TRPV1: variants seen among roughly 807,000 people sequenced by gnomAD.
The protein encoded by TRPV1 is OTRPC1.
In TRPV1, 82 loss-of-function variants were observed where a neutral mutation model predicts 82.3. The ratio of observed to expected loss-of-function variants is 1.00; its 90% confidence interval spans 0.83 to 1.20. The LOEUF (loss-of-function observed/expected upper bound fraction) is 1.20, where lower values mean the gene tolerates loss of function less well. TRPV1 is among the 50% of genes most tolerant of loss of function. The pLI is 0.00. For synonymous variants in TRPV1, 515 were observed against 467.7 expected, an observed-to-expected ratio of 1.10 and a Z score of -1.30; for missense variants, 1,067 against 1,096.8, an observed-to-expected ratio of 0.97 and a Z score of 0.38.
intron 2 of TRPV1, among the ~76,000 whole-genome samples, chr17:3,605,110 C>T (rs982716252): frequency 2.6e-5 from 4 of 152,152 alleles, no homozygotes; most frequent in Non-Finnish European, 5.9e-5. Flanking sequence ...AGAGTGGGTT[C>T]GCTCTGGGGT....
chr17:3,566,734 C>G lies in TRPV1; in HGVS notation c.*81G>C. The G allele has an allele frequency of 6.6e-7, 1 of 1,522,004 alleles. No homozygotes were observed. The highest frequency in any genetic ancestry group is 8.9e-7 in the Non-Finnish European group (1 of 1,122,264). 94.3% of individuals were successfully genotyped at this position (1,522,004 alleles called of 1,614,324 possible). A position where few individuals can be genotyped will look rare whatever the true frequency, so the allele number is the denominator to read the frequency against. ...AGACCAGGCCAGGCTGCTGACAGAG[C>G]ACTGGTGTTCCCTCAGCAGCCCCCC... On this transcript the variant is annotated 3_prime_UTR_variant, in exon 17 of 17. Coordinates refer to ENST00000572705, the MANE Select transcript of TRPV1 (RefSeq NM_080704.4).
At chr17:3,567,578 G>A (rs1332357328) in intron 16 of TRPV1, among the ~76,000 whole-genome samples, 4 of 151,768 alleles carry the variant, frequency 2.6e-5, no homozygotes, top group Admixed American at 6.6e-5. Context: ...AGAGCCCATC[G>A]CCTGCCCCTC....
intron 10 of TRPV1, 104 bp from the exon 11 acceptor site, chr17:3,580,631 G>A: frequency 1.7e-6 from 2 of 1,190,262 alleles, no homozygotes; most frequent in Non-Finnish European, 2.5e-6. Context: ...GTGGTCGAAT[G>A]TGTGAAAGCA....
rs200718562 is a variant in TRPV1 at position 3,571,493 on chromosome 17, G to A, written c.2347+31C>T. The stretch of plus-strand genomic sequence containing the variant: ...GCCCAACATCAGGCCACCAGCCAAG[G>A]AGGCGCCAAGCACCGGCCCTCACGC... On this transcript the variant is annotated intron_variant, in intron 16 of 16. Transcript: ENST00000572705. 7.2e-6 allele frequency: 11 copies of A among 1,520,820 alleles called. No homozygotes were observed. The African/African-American group carries it at 1.4e-4, about 19-fold the overall frequency. 94.2% of individuals were successfully genotyped at this position (1,520,820 alleles called of 1,614,324 possible).
At chr17:3,580,009 G>A (rs1176498279) in intron 11 of TRPV1, among the ~76,000 whole-genome samples, 3 of 146,148 alleles carry the variant, frequency 2.1e-5, no homozygotes, top group Non-Finnish European at 3.1e-5. Context: ...TATACTCTAC[G>A]ATGCACAGGG....
Position 3,591,035 on chromosome 17 carries a change from A to T in TRPV1, c.533T>A (p.Leu178Gln). 1 of 1,612,698 alleles carries T rather than the reference A, an allele frequency of 6.2e-7. No individual in the cohort carries two copies. Among genetic ancestry groups the T allele is most frequent in the Non-Finnish European group, 8.5e-7 (1 of 1,179,470 alleles). Residue 178 changes from leucine (L) to glutamine (Q), a missense_variant, in exon 5 of 17, where the codon CTG (leucine) becomes CAG (glutamine). Leu to Gln is a moderately radical substitution (Grantham distance 113, BLOSUM62 -2). Transcript: ENST00000572705. ...DGQNTTIPLL[L>Q]EIARQTDSLK... ...GCTGTCCGTTTGCCGCGCGATCTCC[A>T]GGAGCAGGGGGATGGTGGTGTTCTG...
chr17:3,589,825 A>G lies in TRPV1; in HGVS notation c.1026T>C (p.Ala342=), dbSNP rs201049674. The part of the protein sequence containing the change: ...KKGMTPLALA[A]GTGKIGVLAY... ...CTCTTACCCCGATCTTCCCGGTCCC[A>G]GCTGCCAGAGCCAGCGGCGTCATTC... The change falls in exon 7 of 17, where the codon GCT becomes GCC. Residue 342 remains alanine (A), a synonymous_variant. Transcript: ENST00000572705. 21 of 1,613,104 alleles carry G rather than the reference A, an allele frequency of 1.3e-5. 1 individual carries two copies. Among genetic ancestry groups the G allele is most frequent in the Middle Eastern group, 3.3e-4 (2 of 6,076 alleles).
rs1172432200 is a variant in TRPV1, at chr17:3,588,352, GAA to G, written c.1058_1059del (p.Ile353ThrfsTer56). 6.4e-7 allele frequency: 1 copy of G among 1,559,132 alleles called. No homozygotes were observed. The highest frequency in any genetic ancestry group is 8.7e-7 in the Non-Finnish European group (1 of 1,151,654). On this transcript the variant is annotated frameshift_variant, in exon 8 of 17. Transcript: ENST00000572705. LOFTEE classifies it high-confidence loss of function. ...GTGKIGVLAY[I>X]LQREIQEPEC... ...TCGGGCTCCTGGATCTCCCGCTGGA[GAA>G]TATAGGCCAAGACCTGCCCCCGGGG...
intron 10 of TRPV1, among the ~76,000 whole-genome samples, chr17:3,582,213 A>AAAAC (rs1160641204): frequency 6.8e-6 from 1 of 147,830 alleles, no homozygotes; most frequent in Non-Finnish European, 1.5e-5. Context: ...AAAAAAAAAA[A>AAAAC]ATCACAGTGG....
chr17:3,593,997 G>C (rs893381090), intron 2 of TRPV1, among the ~76,000 whole-genome samples: 1 of 151,648 alleles, frequency 6.6e-6, no homozygotes, highest in African/African-American at 2.4e-5. Context: ...GCGTGGTGTC[G>C]GGCGCCTGTA....
Position 3,591,007 on chromosome 17 carries a change from C to T in TRPV1, c.561G>A (p.Leu187=), listed in dbSNP as rs1157170318. ...LLEIARQTDS[L]KELVNASYTD... ...TGTAGCTGGCGTTGACAAGCTCCTT[C>T]AGGCTGTCCGTTTGCCGCGCGATCT... Residue 187 remains leucine (L), a synonymous_variant, in exon 5 of 17, where the codon CTG becomes CTA. Transcript: ENST00000572705. 1 of 1,610,862 alleles carries T rather than the reference C, an allele frequency of 6.2e-7. No homozygotes were observed.
intron 13 of TRPV1, among the ~76,000 whole-genome samples, chr17:3,575,538 G>A (rs1381024502): frequency 6.6e-6 from 1 of 151,806 alleles, no homozygotes; most frequent in Non-Finnish European, 1.5e-5. Flanking sequence ...AGTGATTCAG[G>A]TAAGACTCAT....
At position 3,589,884 on chromosome 17, in the gene TRPV1, T is replaced by A. The variant is rs200971331; in HGVS notation, c.967A>T (p.Thr323Ser). ...TTGGTGAGCTCCTCCAGCTTCAGCG[T>A]CGGGTGCAGTTTGGCCCCCAGCATC... ...ILMLGAKLHP[T>S]LKLEELTNKK... The change falls in exon 7 of 17, where the codon ACG becomes TCG. Residue 323 changes from threonine to serine, a missense_variant. By Grantham distance (58) the Thr-to-Ser change is moderately conservative. Transcript: ENST00000572705. 154 of 1,610,864 alleles carry A rather than the reference T, an allele frequency of 9.6e-5. No individual in the cohort carries two copies. The highest frequency in any genetic ancestry group is 1.3e-4 in the Non-Finnish European group (149 of 1,178,806).
intron 2 of TRPV1, among the ~76,000 whole-genome samples, chr17:3,603,542 A>AC (rs1479433936): frequency 6.6e-6 from 1 of 152,076 alleles, no homozygotes; most frequent in African/African-American, 2.4e-5. Context: ...CACCTGCCCT[A>AC]CCTGCTTTAC....
chr17:3,602,812 C>G (rs1215585498), intron 2 of TRPV1, among the ~76,000 whole-genome samples: 1 of 152,196 alleles, frequency 6.6e-6, no homozygotes, highest in Non-Finnish European at 1.5e-5. Flanking sequence ...TCTTCACTCA[C>G]CTGGGTTCCT....
intron 10 of TRPV1, among the ~76,000 whole-genome samples, chr17:3,582,657 T>A (rs1420729439): frequency 6.7e-6 from 1 of 149,200 alleles, no homozygotes; most frequent in Non-Finnish European, 1.5e-5. Context: ...GAGTTTCAGG[T>A]TAAAAATAAA....
At chr17:3,606,053 G>GA (rs2075294407) in intron 2 of TRPV1, among the ~76,000 whole-genome samples, 1 of 152,138 alleles carries the variant, frequency 6.6e-6, no homozygotes, top group Non-Finnish European at 1.5e-5. Flanking sequence ...CCGCCTTCCA[G>GA]GCTCAAGCGA....
intron 2 of TRPV1, among the ~76,000 whole-genome samples, chr17:3,602,827 A>C (rs985370609): frequency 6.6e-6 from 1 of 152,202 alleles, no homozygotes; most frequent in Non-Finnish European, 1.5e-5. Flanking sequence ...GTTCCTCTCA[A>C]GATTCGAGCC....
intron 10 of TRPV1, among the ~76,000 whole-genome samples, chr17:3,581,762 G>GCA (rs1567664459): frequency 1.0e-5 from 1 of 96,488 alleles, no homozygotes; most frequent in East Asian, 3.8e-4. Flanking sequence ...GCACGCACCT[G>GCA]TAGTCCCAGC....
Sources: gnomAD v4.1 joint callset for allele counts (sites outside exome capture counted in the v4.1 genomes callset) on GRCh38, gnomAD v4.1.1 for gene constraint, MANE v1.5 for transcripts, NCBI Gene and HGNC (gene_info 2026-07-23, HGNC 2026-07-21) for gene names.